Variants in TRIM44 observed in about 807,000 individuals in gnomAD.
TRIM44 encodes tripartite motif-containing protein 44.
In TRIM44, 13 loss-of-function variants were observed where a neutral mutation model predicts 37.4. That is an observed-to-expected ratio of 0.35 (90% confidence interval 0.23 to 0.55). The LOEUF is 0.55. Among genes scored for constraint, TRIM44 ranks in the 20% least tolerant of loss-of-function variants. The probability of loss-of-function intolerance (pLI) is 0.89; values close to 1 mark genes in which losing one functional copy is unlikely to be tolerated. For synonymous variants in TRIM44, 175 were observed against 157.2 expected (o/e 1.11, Z -0.85); for missense variants, 426 against 437.2 (o/e 0.97, Z 0.23).
chr11:35,804,087 A>G (rs1315828588), intron 4 of TRIM44, among the ~76,000 whole-genome samples: 1 of 152,050 alleles, frequency 6.6e-6, no homozygotes, highest in Non-Finnish European at 1.5e-5. Flanking sequence ...CATCTTATTC[A>G]TTTTTGTTTC....
chr11:35,740,179 A>G (rs1361388065), intron 4 of TRIM44, among the ~76,000 whole-genome samples: 1 of 147,568 alleles, frequency 6.8e-6, no homozygotes, highest in African/African-American at 2.5e-5. Flanking sequence ...AGCAATTTAC[A>G]CTTTTGGCAT....
chr11:35,758,578 C>T (rs1852679894), intron 4 of TRIM44, among the ~76,000 whole-genome samples: 1 of 152,186 alleles, frequency 6.6e-6, no homozygotes, highest in Non-Finnish European at 1.5e-5. Context: ...TTAGTTGATG[C>T]AGTTTCTTCC....
intron 2 of TRIM44, among the ~76,000 whole-genome samples, chr11:35,690,638 A>G (rs1166397168): frequency 2.6e-5 from 4 of 152,220 alleles, no homozygotes; most frequent in Non-Finnish European, 5.9e-5. Context: ...TACTAGAATT[A>G]TTGACCCATT....
At chr11:35,743,797 T>A (rs947524439) in intron 4 of TRIM44, among the ~76,000 whole-genome samples, 1 of 152,170 alleles carries the variant, frequency 6.6e-6, no homozygotes, top group African/African-American at 2.4e-5. Context: ...AATTTTATGC[T>A]AATCTGCCAT....
chr11:35,787,873 G>A (rs1853150240), intron 4 of TRIM44, among the ~76,000 whole-genome samples: 1 of 152,110 alleles, frequency 6.6e-6, no homozygotes, highest in African/African-American at 2.4e-5. Context: ...GGCATTCAGT[G>A]TCTACCACTG....
intron 4 of TRIM44, among the ~76,000 whole-genome samples, chr11:35,798,272 G>C (rs1185918951): frequency 6.6e-6 from 1 of 152,180 alleles, no homozygotes; most frequent in Non-Finnish European, 1.5e-5. Context: ...TCTGTCCTTT[G>C]TGAGGGCAGT....
At chr11:35,717,853 T>TGAAAA (rs1258272802) in intron 2 of TRIM44, among the ~76,000 whole-genome samples, 1 of 151,904 alleles carries the variant, frequency 6.6e-6, no homozygotes, top group Non-Finnish European at 1.5e-5. Context: ...TTATAAAAAA[T>TGAAAA]GAAAAGCCAA....
chr11:35,789,803 A>T (rs889821452), intron 4 of TRIM44, among the ~76,000 whole-genome samples: 1 of 152,176 alleles, frequency 6.6e-6, no homozygotes, highest in Non-Finnish European at 1.5e-5. Context: ...AATTGGGCCA[A>T]TGGTGAGCAA....
chr11:35,691,326 C>G (rs1368416686), intron 2 of TRIM44, among the ~76,000 whole-genome samples: 1 of 151,850 alleles, frequency 6.6e-6, no homozygotes, highest in Non-Finnish European at 1.5e-5. Context: ...GAAACAAGCT[C>G]TTTCCCTCCT....
intron 1 of TRIM44, among the ~76,000 whole-genome samples, chr11:35,683,801 AT>A (rs1319249121): frequency 7.9e-5 from 12 of 151,908 alleles, no homozygotes; most frequent in African/African-American, 2.9e-4. Flanking sequence ...TCATTCATTG[AT>A]TTGTTCAGAC....
At chr11:35,680,409 T>TA (rs1564946077) in intron 1 of TRIM44, among the ~76,000 whole-genome samples, 2 of 152,160 alleles carry the variant, frequency 1.3e-5, no homozygotes, top group Admixed American at 6.5e-5. Context: ...AATAATTTTT[T>TA]AAAAAACTGT....
At chr11:35,788,954 TC>T (rs781683982) in intron 4 of TRIM44, among the ~76,000 whole-genome samples, 16 of 152,250 alleles carry the variant, frequency 1.1e-4, no homozygotes, top group East Asian at 3.8e-4. Flanking sequence ...ACTCCTTTTT[TC>T]TTTCTTGTGT....
At chr11:35,749,975 G>T (rs1434647919) in intron 4 of TRIM44, among the ~76,000 whole-genome samples, 1 of 152,148 alleles carries the variant, frequency 6.6e-6, no homozygotes, top group African/African-American at 2.4e-5. Flanking sequence ...TGATGCAAAA[G>T]GCTGTTGGAA....
intron 3 of TRIM44, among the ~76,000 whole-genome samples, chr11:35,728,002 A>G (rs1852203843): frequency 6.6e-6 from 1 of 152,186 alleles, no homozygotes; most frequent in Non-Finnish European, 1.5e-5. Context: ...TTTATTCCCT[A>G]TGTTGATTAG....
intron 4 of TRIM44, among the ~76,000 whole-genome samples, chr11:35,774,345 T>G (rs1338914050): frequency 5.9e-5 from 9 of 152,254 alleles, no homozygotes; most frequent in Admixed American, 3.3e-4. Context: ...TTTGTTTAAC[T>G]TCTTTGTAGA....
intron 4 of TRIM44, among the ~76,000 whole-genome samples, chr11:35,778,164 C>G (rs1268552884): frequency 3.3e-5 from 5 of 152,168 alleles, no homozygotes; most frequent in Non-Finnish European, 7.3e-5. Context: ...TCTTTTTACT[C>G]TTTTTTCTCT....
At chr11:35,805,818 G>T (rs1853439475) in intron 4 of TRIM44, among the ~76,000 whole-genome samples, 1 of 152,184 alleles carries the variant, frequency 6.6e-6, no homozygotes, top group African/African-American at 2.4e-5. Context: ...TCACCAGGGA[G>T]TCCTACTTAG....
chr11:35,792,161 T>G (rs1188720426), intron 4 of TRIM44, among the ~76,000 whole-genome samples: 1 of 151,008 alleles, frequency 6.6e-6, no homozygotes, highest in East Asian at 2.0e-4. Context: ...TTTCTTCATA[T>G]CCACTATCTG....
chr11:35,699,301 C>G (rs185625732), intron 2 of TRIM44, among the ~76,000 whole-genome samples: 6 of 151,980 alleles, frequency 3.9e-5, no homozygotes, highest in Non-Finnish European at 1.5e-5. Flanking sequence ...GTTCAACATA[C>G]GCAAATCAAT....
Sources: gnomAD v4.1 joint callset for allele counts (sites outside exome capture counted in the v4.1 genomes callset) on GRCh38, gnomAD v4.1.1 for gene constraint, MANE v1.5 for transcripts, NCBI Gene and HGNC (gene_info 2026-07-23, HGNC 2026-07-21) for gene names.